Variants in MSI2 observed in about 807,000 individuals in gnomAD.
MSI2 encodes the protein musashi RNA binding protein 2.
Under a neutral mutation model 45.6 loss-of-function variants are expected in MSI2, and 17 were observed. The observed-to-expected ratio is 0.37, with a 90% confidence interval of 0.26 to 0.56. The LOEUF (loss-of-function observed/expected upper bound fraction) is 0.56. MSI2 is among the 20% of genes least tolerant of loss of function. The pLI is 0.77. For missense variants in MSI2, 293 were observed against 444.2 expected (o/e 0.66, Z 3.06); for synonymous variants, 156 against 158.2 (o/e 0.99, Z 0.11).
At chr17:57,343,886 A>G (rs760251665) in intron 5 of MSI2, among the ~76,000 whole-genome samples, 14 of 152,180 alleles carry the variant, frequency 9.2e-5, no homozygotes, top group Non-Finnish European at 1.9e-4. Context: ...ACTAGATTCA[A>G]GTTATGCTTT....
chr17:57,690,573 TG>T, the MSI2 span, among the ~76,000 whole-genome samples: 2 of 152,192 alleles, frequency 1.3e-5, no homozygotes, highest in Admixed American at 6.5e-5. Context: ...ATGTCAAGAT[TG>T]TACGACTGTA....
At position 57,538,857 on chromosome 17, in the gene MSI2, C is replaced by G. The variant is rs536721822; in HGVS notation, c.454+9133C>G. Among the ~76,000 whole-genome samples, 14 of 152,306 alleles carry G rather than the reference C, an allele frequency of 9.2e-5. No individual in the cohort carries two copies. In the South Asian group the frequency reaches 2.9e-3, roughly 32 times the overall value. ...TCACATGCTCTGAAGTGAGACAAATCTAAGCTCTGGGACTTAATAGCTGTG... is the reference window on the plus strand; with the variant it reads ...TCACATGCTCTGAAGTGAGACAAATGTAAGCTCTGGGACTTAATAGCTGTG... On this transcript the variant is annotated intron_variant, in intron 7 of 13. Transcript: ENST00000284073.
At chr17:57,664,716 G>A (rs1912242361) in intron 11 of MSI2, among the ~76,000 whole-genome samples, 1 of 152,168 alleles carries the variant, frequency 6.6e-6, no homozygotes, top group Admixed American at 6.5e-5. Context: ...TCCATCCTTG[G>A]GTGTGGTTGA....
intron 11 of MSI2, among the ~76,000 whole-genome samples, chr17:57,660,228 C>T (rs190929817): frequency 4.6e-5 from 7 of 152,288 alleles, no homozygotes; most frequent in Admixed American, 4.6e-4. Context: ...CAGTTTCTGG[C>T]ATCATACCGT....
intron 5 of MSI2, among the ~76,000 whole-genome samples, chr17:57,356,318 T>A (rs893820417): frequency 6.6e-6 from 1 of 152,216 alleles, no homozygotes; most frequent in Non-Finnish European, 1.5e-5. Flanking sequence ...TTTATCTTCT[T>A]GATAACTTTG....
At chr17:57,650,173 C>A (rs1911025159) in intron 10 of MSI2, among the ~76,000 whole-genome samples, 1 of 152,002 alleles carries the variant, frequency 6.6e-6, no homozygotes, top group Non-Finnish European at 1.5e-5. Context: ...CTTTTCTTAA[C>A]AAGTCTTTAT....
intron 13 of MSI2, among the ~76,000 whole-genome samples, chr17:57,678,122 A>G (rs1913362933): frequency 6.6e-6 from 1 of 152,174 alleles, no homozygotes; most frequent in African/African-American, 2.4e-5. Context: ...ACTTCATTGG[A>G]TGCCTCTCTC....
In MSI2 at chr17:57,531,189, C is replaced by T. The variant is rs574903667; in HGVS notation, c.454+1465C>T. 6.6e-5 allele frequency among the ~76,000 whole-genome samples: 10 copies of T among 152,308 alleles called. No individual in the cohort carries two copies. The South Asian group carries it at 1.9e-3, about 28-fold the overall frequency. ...TTCCAAGCCGGACTTCCAGATGCAT[C>T]TCCTAATGTGACCTTCACAGCAGCC... is the stretch of plus-strand genomic sequence containing the variant. On this transcript the variant is annotated intron_variant, in intron 7 of 13. Coordinates refer to ENST00000284073, the MANE Select transcript of MSI2 (RefSeq NM_138962.4).
intron 8 of MSI2, among the ~76,000 whole-genome samples, chr17:57,598,783 C>T (rs974450774): frequency 1.3e-5 from 2 of 152,204 alleles, no homozygotes; most frequent in African/African-American, 2.4e-5. Context: ...CTGCCTCAGC[C>T]TCCCAAGTAG....
chr17:57,460,774 A>C (rs1358254076), intron 6 of MSI2, among the ~76,000 whole-genome samples: 1 of 152,142 alleles, frequency 6.6e-6, no homozygotes, highest in East Asian at 1.9e-4. Context: ...ATAGCCTTCA[A>C]GGGGAGGTCA....
intron 5 of MSI2, among the ~76,000 whole-genome samples, chr17:57,400,271 A>G (rs965355729): frequency 6.6e-6 from 1 of 152,036 alleles, no homozygotes; most frequent in African/African-American, 2.4e-5. Flanking sequence ...TTGTGACAGT[A>G]AAACTAAAAT....
At chr17:57,345,091 G>C (rs1915498662) in intron 5 of MSI2, among the ~76,000 whole-genome samples, 1 of 151,762 alleles carries the variant, frequency 6.6e-6, no homozygotes, top group African/African-American at 2.4e-5. Flanking sequence ...AAAAAGGAAG[G>C]GTTCAAGGCT....
chr17:57,256,020 G>A (rs1411487131), upstream of MSI2: 1 of 152,220 alleles, frequency 6.6e-6, no homozygotes, highest in African/African-American at 2.4e-5. Context: ...AAATTTCTGA[G>A]CGGTGGCTGG....
intron 6 of MSI2, among the ~76,000 whole-genome samples, chr17:57,473,130 T>A (rs1187368985): frequency 2.0e-5 from 3 of 152,218 alleles, no homozygotes; most frequent in African/African-American, 7.2e-5. Context: ...TGACCTCAGG[T>A]GATCTGCCCG....
intron 7 of MSI2, among the ~76,000 whole-genome samples, chr17:57,591,251 A>G (rs574296154): frequency 2.6e-5 from 4 of 152,174 alleles, no homozygotes; most frequent in Non-Finnish European, 4.4e-5. Flanking sequence ...TAGGGCAATG[A>G]GAAGGAAATA....
rs932235164 is a variant in MSI2 at position 57,596,677 on chromosome 17, G to A, written c.455-191G>A. Among the ~76,000 whole-genome samples, 3 of 152,158 alleles carry A rather than the reference G, an allele frequency of 2.0e-5. No homozygotes were observed. Among genetic ancestry groups the A allele is most frequent in the African/African-American group, 7.2e-5 (3 of 41,420 alleles). ...TGGGTGAAATCATTAACTTTTCCTC[G>A]CTGTCGGAAGGGTGCTCAGTACAAA... On this transcript the variant is annotated intron_variant, in intron 7 of 13. Transcript: ENST00000284073. This position sits in a 1 kb window ranked among gnomAD's most constrained non-coding sequence, Gnocchi z 4.6.
At chr17:57,517,349 G>A (rs909753490) in intron 6 of MSI2, among the ~76,000 whole-genome samples, 1 of 152,196 alleles carries the variant, frequency 6.6e-6, no homozygotes, top group African/African-American at 2.4e-5. Flanking sequence ...TGAGTGCGCT[G>A]ATTCGGGTGC....
At chr17:57,514,631 G>GA (rs1390514564) in intron 6 of MSI2, among the ~76,000 whole-genome samples, 2 of 149,354 alleles carry the variant, frequency 1.3e-5, no homozygotes, top group Non-Finnish European at 3.0e-5. Flanking sequence ...GTTGGGTCTT[G>GA]AAGCAGCTTG....
intron 5 of MSI2, among the ~76,000 whole-genome samples, chr17:57,335,161 C>A (rs1435998616): frequency 6.6e-6 from 1 of 151,972 alleles, no homozygotes; most frequent in African/African-American, 2.4e-5. Flanking sequence ...CGAACCCCAG[C>A]CCCCACCATC....
Sources: gnomAD v4.1 joint callset for allele counts (sites outside exome capture counted in the v4.1 genomes callset) on GRCh38, gnomAD v4.1.1 for gene constraint, Gnocchi (gnomAD v3.1) non-coding constraint, MANE v1.5 for transcripts, NCBI Gene and HGNC (gene_info 2026-07-23, HGNC 2026-07-21) for gene names.